The following ZFP2 variants were observed in gnomAD, a reference collection of about 807,000 sequenced individuals.
ZFP2 encodes the protein ZFP2 zinc finger protein.
Under a neutral mutation model 36.1 loss-of-function variants are expected in ZFP2, and 33 were observed. The observed-to-expected ratio is 0.92, with a 90% CI of 0.69 to 1.22. The LOEUF (loss-of-function observed/expected upper bound fraction) is 1.22. Among genes scored for constraint, ZFP2 ranks in the 50% most tolerant of loss-of-function variants. ZFP2 has a pLI of 0.00. For missense variants in ZFP2, 522 were observed against 551.4 expected (o/e 0.95, Z 0.53); for synonymous variants, 170 against 178.0 (o/e 0.96, Z 0.36).
At chr5:178,903,984 C>T (rs1476970148) in intron 1 of ZFP2, among the ~76,000 whole-genome samples, 1 of 150,740 alleles carries the variant, frequency 6.6e-6, no homozygotes, top group African/African-American at 2.4e-5. Context: ...AGTGAGACTC[C>T]ATCTCCAAAA....
At chr5:178,914,044 G>A (rs1758364555) in intron 3 of ZFP2, 1 of 152,024 alleles carries the variant, frequency 6.6e-6, no homozygotes, top group African/African-American at 2.4e-5. Flanking sequence ...TTTTAGTAGA[G>A]ACGGGGTTTC....
At chr5:178,925,259 C>T (rs1476793892) in intron 4 of ZFP2, among the ~76,000 whole-genome samples, 1 of 148,440 alleles carries the variant, frequency 6.7e-6, no homozygotes. Flanking sequence ...GTCAGTTACT[C>T]CATTGTATGA....
intron 4 of ZFP2, among the ~76,000 whole-genome samples, chr5:178,930,314 C>CTTTTTTTTTTTTTTT (rs990713790): frequency 3.2e-4 from 23 of 71,368 alleles, no homozygotes; most frequent in East Asian, 4.6e-4. Context: ...TTTCCCTTTC[C>CTTTTTTTTTTTTTTT]TTTTTTTTTT....
intron 1 of ZFP2, among the ~76,000 whole-genome samples, chr5:178,911,577 T>G (rs1176012651): frequency 2.0e-5 from 3 of 152,204 alleles, no homozygotes; most frequent in African/African-American, 7.2e-5. Context: ...TGTTACGTTA[T>G]TAGTAAGGCT....
chr5:178,906,158 G>T (rs1038743789), intron 1 of ZFP2, among the ~76,000 whole-genome samples: 3 of 152,170 alleles, frequency 2.0e-5, no homozygotes, highest in African/African-American at 7.2e-5. Context: ...GAAGCTCTGC[G>T]CATGCTGAGC....
At chr5:178,900,480 T>A (rs113753043) in intron 1 of ZFP2, among the ~76,000 whole-genome samples, 19 of 16,360 alleles carry the variant, frequency 1.2e-3, no homozygotes, top group African/African-American at 2.3e-3. Context: ...CACGTCCCCC[T>A]CCCCAGCCAG....
chr5:178,911,268 A>C (rs1023102934), intron 1 of ZFP2, among the ~76,000 whole-genome samples: 1 of 152,198 alleles, frequency 6.6e-6, no homozygotes, highest in African/African-American at 2.4e-5. Flanking sequence ...GAAGTACACA[A>C]ATTTCTTGGA....
chr5:178,896,722 A>G (rs1757951105), intron 1 of ZFP2, among the ~76,000 whole-genome samples: 1 of 152,232 alleles, frequency 6.6e-6, no homozygotes, highest in South Asian at 2.1e-4. Context: ...GTATAAGCAT[A>G]GAAACACTTT....
At chr5:178,919,125 C>G (rs1008528644) in intron 4 of ZFP2, among the ~76,000 whole-genome samples, 1 of 151,956 alleles carries the variant, frequency 6.6e-6, no homozygotes, top group Non-Finnish European at 1.5e-5. Context: ...GAGAATTCTT[C>G]TAGGGCTTTA....
At chr5:178,922,440 CT>C in intron 4 of ZFP2, 1 of 1,376,202 alleles carries the variant, frequency 7.3e-7, no homozygotes, top group Non-Finnish European at 1.0e-6. Context: ...ACTATTGTGC[CT>C]TACTTATGTT....
intron 1 of ZFP2, among the ~76,000 whole-genome samples, chr5:178,903,966 G>A (rs780801669): frequency 5.3e-5 from 8 of 151,844 alleles, no homozygotes; most frequent in Non-Finnish European, 8.8e-5. Flanking sequence ...ACTCTAGCCC[G>A]GCAACAGAGT....
At chr5:178,900,840 C>G (rs1381561206) in intron 1 of ZFP2, among the ~76,000 whole-genome samples, 1 of 151,256 alleles carries the variant, frequency 6.6e-6, no homozygotes, top group Non-Finnish European at 1.5e-5. Context: ...CGTGCCACTT[C>G]TACTCCACGT....
chr5:178,925,718 T>G (rs965298084), intron 4 of ZFP2, among the ~76,000 whole-genome samples: 8 of 149,698 alleles, frequency 5.3e-5, no homozygotes, highest in African/African-American at 1.7e-4. Context: ...TATTCAAGTC[T>G]TTTGCCCATT....
intron 1 of ZFP2, among the ~76,000 whole-genome samples, chr5:178,910,929 C>G (rs967297715): frequency 3.9e-5 from 6 of 152,188 alleles, no homozygotes; most frequent in Non-Finnish European, 4.4e-5. Flanking sequence ...AAAAAAGGTT[C>G]CTTTTAATAG....
Position 178,932,165 on chromosome 5 carries a change from T to G in ZFP2, c.852T>G (p.Thr284=), listed in dbSNP as rs932230179. 1 of 1,613,498 alleles carries G rather than the reference T, an allele frequency of 6.2e-7. No homozygotes were observed. Among genetic ancestry groups the G allele is most frequent in the Non-Finnish European group, 8.5e-7 (1 of 1,179,518 alleles). ...QCGKAFSKSS[T]LTLHQRNHTG... is the part of the protein sequence containing the mutation. ...GAAAAGCCTTTAGTAAGAGCTCAACTCTTACCCTACATCAGCGAAATCACA... is the reference window on the plus strand; with the variant it reads ...GAAAAGCCTTTAGTAAGAGCTCAACGCTTACCCTACATCAGCGAAATCACA... The change falls in exon 5 of 5, where the codon ACT becomes ACG. Residue 284 remains threonine, a synonymous_variant. Transcript: ENST00000361362.
intron 4 of ZFP2, among the ~76,000 whole-genome samples, chr5:178,923,959 C>T (rs1758611935): frequency 6.7e-6 from 1 of 149,134 alleles, no homozygotes; most frequent in Non-Finnish European, 1.5e-5. Context: ...TGTGTAAAAT[C>T]TGACTGTTCA....
At chr5:178,930,377 G>A (rs1325988956) in intron 4 of ZFP2, among the ~76,000 whole-genome samples, 2 of 119,536 alleles carry the variant, frequency 1.7e-5, no homozygotes, top group African/African-American at 6.7e-5. Context: ...CTGGAGTGCA[G>A]TGGTACTACC....
chr5:178,911,252 G>A (rs1299173771), intron 1 of ZFP2, among the ~76,000 whole-genome samples: 4 of 152,152 alleles, frequency 2.6e-5, no homozygotes, highest in African/African-American at 7.2e-5. Context: ...TCCTAGTCTT[G>A]GATGTGAAGT....
At chr5:178,921,553 G>A (rs10043786) in intron 4 of ZFP2, among the ~76,000 whole-genome samples, 1 of 148,810 alleles carries the variant, frequency 6.7e-6, no homozygotes, top group Non-Finnish European at 1.5e-5. Flanking sequence ...AAGTGCTGGG[G>A]TGCAATAGAA....
Sources: allele counts gnomAD v4.1 joint callset (sites outside exome capture counted in the v4.1 genomes callset), GRCh38; gene constraint gnomAD v4.1.1; transcripts MANE v1.5; gene names NCBI Gene and HGNC (gene_info 2026-07-23, HGNC 2026-07-21).